The following RACGAP1 variants were observed in gnomAD, a reference collection of about 807,000 sequenced individuals.
RACGAP1 encodes rac GTPase-activating protein 1.
Under a neutral mutation model 78.1 loss-of-function variants are expected in RACGAP1, and 30 were observed. That is an observed-to-expected ratio of 0.38 (90% confidence interval 0.29 to 0.52). RACGAP1 has a LOEUF of 0.52. RACGAP1 is among the 20% of genes least tolerant of loss of function. RACGAP1 has a pLI of 0.82. For synonymous variants in RACGAP1, 231 were observed against 264.8 expected (o/e 0.87, Z 1.24); for missense variants, 587 against 777.1 (o/e 0.76, Z 2.91).
upstream of RACGAP1, among the ~76,000 whole-genome samples, chr12:50,027,364 C>T (rs12318844): frequency 0.061 from 9,312 of 152,074 alleles, 971 homozygotes; most frequent in African/African-American, 0.21. Flanking sequence ...GGAGCACAGA[C>T]AAGGAAGCAA....
Position 49,999,589 on chromosome 12 carries a change from G to A in RACGAP1, c.748+27C>T, listed in dbSNP as rs378943. The A allele has an allele frequency of 9.5e-6, 15 of 1,584,922 alleles. No individual in the cohort carries two copies. In the East Asian group the frequency reaches 3.1e-4, roughly 33 times the overall value. On this transcript the variant is annotated intron_variant, in intron 8 of 16. Transcript: ENST00000312377. ...AAATTTTGCTAGTTGTTTTACACAGGCCAGTTTAGTCACAAATTCAATGGA... is the reference window on the plus strand; with the variant it reads ...AAATTTTGCTAGTTGTTTTACACAGACCAGTTTAGTCACAAATTCAATGGA...
upstream of RACGAP1, among the ~76,000 whole-genome samples, chr12:50,030,447 G>A (rs1223079790): frequency 6.6e-6 from 1 of 152,056 alleles, no homozygotes; most frequent in East Asian, 1.9e-4. Context: ...CAGCACTTTG[G>A]GAGGCTGAGA....
chr12:50,021,610 T>G (rs1343792620), intron 1 of RACGAP1, among the ~76,000 whole-genome samples: 1 of 152,190 alleles, frequency 6.6e-6, no homozygotes, highest in Non-Finnish European at 1.5e-5. Context: ...TTCCTCCTCC[T>G]TCAAACAACA....
chr12:49,995,872 T>A (rs556682455), intron 10 of RACGAP1, among the ~76,000 whole-genome samples: 1 of 152,304 alleles, frequency 6.6e-6, no homozygotes, highest in South Asian at 2.1e-4. Context: ...TTCATTTTGA[T>A]AACCTATTAT....
At chr12:50,012,242 C>G (rs186420884) in intron 2 of RACGAP1, among the ~76,000 whole-genome samples, 3 of 152,076 alleles carry the variant, frequency 2.0e-5, no homozygotes, top group African/African-American at 7.2e-5. Context: ...GCCTGGCCAA[C>G]GTGGTGAAAC....
In RACGAP1 at chr12:50,010,318, C is replaced by T. The variant is rs921767618; in HGVS notation, c.86-3682G>A. Among the ~76,000 whole-genome samples the T allele has an allele frequency of 2.4e-3, 343 of 142,704 alleles. 4 individuals are homozygous for T. Among genetic ancestry groups the T allele is most frequent in the African/African-American group, 8.3e-3 (322 of 38,604 alleles). The allele number at this position is 142,704 out of a possible 152,430, so 93.6% of individuals were successfully genotyped here. A position where few individuals can be genotyped will look rare whatever the true frequency, so the allele number is the denominator to read the frequency against. Reference sequence around the variant, plus strand: ...CTTGGACTTAGCTCTCTTTTTTTAACTTTTTTTTTTTTTTCTTTTTTAAGA... The same window carrying T: ...CTTGGACTTAGCTCTCTTTTTTTAATTTTTTTTTTTTTTTCTTTTTTAAGA... On this transcript the variant is annotated intron_variant, in intron 2 of 16. Coordinates refer to ENST00000312377, the MANE Select transcript of RACGAP1 (RefSeq NM_001319999.2).
At chr12:50,031,697 C>T (rs1358653261) in exon 2 of RACGAP1, 3 of 985,176 alleles carry the variant, frequency 3.0e-6, no homozygotes, top group Middle Eastern at 1.0e-3. Context: ...TTCTACTCAC[C>T]CTCTAGACAG....
At chr12:50,004,634 G>A (rs1257724245) in intron 4 of RACGAP1, among the ~76,000 whole-genome samples, 1 of 152,224 alleles carries the variant, frequency 6.6e-6, no homozygotes, top group Non-Finnish European at 1.5e-5. Context: ...TCAAGGGAAT[G>A]AAGTTTAATT....
intron 2 of RACGAP1, chr12:50,031,560 G>T: frequency 2.8e-6 from 1 of 362,824 alleles, no homozygotes; most frequent in Non-Finnish European, 3.8e-6. Context: ...TAGCTGCACT[G>T]CCCAACCCTC....
In RACGAP1 at chr12:50,019,487, G is replaced by C. The variant is rs553117336; in HGVS notation, c.-4-2768C>G. ...CATATCTGTGATGCTATGGTCAAAA[G>C]AATTTCCATTCTACCTCAACATCAA... On this transcript the variant is annotated intron_variant, in intron 1 of 16. Coordinates refer to ENST00000312377, the MANE Select transcript of RACGAP1 (RefSeq NM_001319999.2). Among the ~76,000 whole-genome samples the C allele has an allele frequency of 2.0e-5, 3 of 152,054 alleles. No homozygotes were observed. The South Asian group carries it at 6.2e-4, about 32-fold the overall frequency.
upstream of RACGAP1, among the ~76,000 whole-genome samples, chr12:50,030,216 A>G (rs930168615): frequency 2.0e-5 from 3 of 152,098 alleles, no homozygotes; most frequent in Admixed American, 1.3e-4. Flanking sequence ...AGCTGAATGT[A>G]GTGGGCTTGG....
At chr12:50,031,602 T>C in intron 2 of RACGAP1, 8 of 828,762 alleles carry the variant, frequency 9.7e-6, no homozygotes, top group Non-Finnish European at 1.2e-5. Flanking sequence ...CTGGCTACCA[T>C]TTCCACCTGG....
rs777911951 is a variant in RACGAP1, at chr12:49,994,501, C to A, written c.1053G>T (p.Leu351=). 1.9e-6 allele frequency: 3 copies of A among 1,611,976 alleles called. No individual in the cohort carries two copies. The highest frequency in any genetic ancestry group is 1.7e-6 in the Non-Finnish European group (2 of 1,179,484). The part of the protein sequence containing the change: ...GTPVKIGEGM[L]ADFVSQTSPM... Reference sequence around the variant, plus strand: ...GAGAAGTCTGGGACACAAAGTCTGCCAGCATTCCCTGGAAAAAAAAAAGAG... The same window carrying A: ...GAGAAGTCTGGGACACAAAGTCTGCAAGCATTCCCTGGAAAAAAAAAAGAG... Residue 351 remains leucine (L), a synonymous_variant, in exon 11 of 17, where the codon CTG becomes CTT. Coordinates refer to ENST00000312377, the MANE Select transcript of RACGAP1 (RefSeq NM_001319999.2).
chr12:50,010,834 A>C (rs1249724081), intron 2 of RACGAP1, among the ~76,000 whole-genome samples: 2 of 151,952 alleles, frequency 1.3e-5, no homozygotes, highest in African/African-American at 4.8e-5. Flanking sequence ...CGGGAGGCTG[A>C]GACAGGAGAA....
intron 2 of RACGAP1, chr12:50,031,577 A>T: frequency 1.9e-6 from 1 of 520,560 alleles, no homozygotes; most frequent in Non-Finnish European, 2.5e-6. Context: ...CCTCGTTTGC[A>T]GTTCCTCCAC....
At chr12:50,006,373 G>T in intron 3 of RACGAP1, 61 bp downstream of exon 3, 1 of 1,576,732 alleles carries the variant, frequency 6.3e-7, no homozygotes, top group Non-Finnish European at 8.7e-7. Flanking sequence ...AGTGGAAACT[G>T]TCAGACAATG....
rs534647467 is a variant in RACGAP1 at position 49,995,104 on chromosome 12, T to C, written c.1045-595A>G. On this transcript the variant is annotated intron_variant, in intron 10 of 16. Transcript: ENST00000312377. The stretch of plus-strand genomic sequence containing the variant: ...TAGCTCACGCCTGTAATCCCAGCAC[T>C]GTAGGAGGCCGAGGTGGGCGGATCA... Among the ~76,000 whole-genome samples the C allele has an allele frequency of 1.2e-4, 18 of 152,278 alleles. No homozygotes were observed. The South Asian group carries it at 3.3e-3, about 28-fold the overall frequency.
At position 50,004,238 on chromosome 12, in the gene RACGAP1, T is replaced by C; in HGVS notation, c.492A>G (p.Ser164=). 6.2e-7 allele frequency: 1 copy of C among 1,603,730 alleles called. No individual in the cohort carries two copies. The highest frequency in any genetic ancestry group is 8.5e-7 in the Non-Finnish European group (1 of 1,171,580). The change falls in exon 5 of 17, where the codon TCA becomes TCG. Residue 164 remains serine (S), a synonymous_variant. Transcript: ENST00000312377. ...TCAGAGATCAAATGTTTATTACCAG[T>C]GATTCATCAGTCTTGTCAAAGCTGA... is the stretch of plus-strand genomic sequence containing the variant. ...SDISFDKTDE[S]LDWDSSLVKT... is the part of the protein sequence containing the mutation.
chr12:50,027,580 C>T (rs1186483448), upstream of RACGAP1, among the ~76,000 whole-genome samples: 6 of 152,186 alleles, frequency 3.9e-5, no homozygotes, highest in African/African-American at 9.6e-5. Flanking sequence ...GTAATCCCAG[C>T]ACTTTGGGAA....
Sources: gnomAD v4.1 joint callset for allele counts (sites outside exome capture counted in the v4.1 genomes callset) on GRCh38, gnomAD v4.1.1 for gene constraint, MANE v1.5 for transcripts, NCBI Gene and HGNC (gene_info 2026-07-23, HGNC 2026-07-21) for gene names.